The following IST1 variants were observed in gnomAD, a reference collection of about 807,000 sequenced individuals.
IST1 encodes the protein IST1 factor associated with ESCRT-III.
Under a neutral mutation model 37.0 loss-of-function variants are expected in IST1, and 23 were observed. The ratio of observed to expected loss-of-function variants is 0.62; its 90% CI spans 0.45 to 0.88. The LOEUF (loss-of-function observed/expected upper bound fraction) is 0.88. IST1 is among the 40% of genes least tolerant of loss of function. The pLI is 0.00. For missense variants in IST1, 488 were observed against 445.4 expected (o/e 1.10, Z -0.86); for synonymous variants, 180 against 161.7 (o/e 1.11, Z -0.86).
intron 4 of IST1, among the ~76,000 whole-genome samples, chr16:71,920,439 CTT>C (rs1312616758): frequency 2.6e-5 from 4 of 152,190 alleles, no homozygotes; most frequent in Non-Finnish European, 5.9e-5. Flanking sequence ...GAAGAGGAAA[CTT>C]TACTTTGTAC....
At chr16:71,926,830 A>G (rs912325970) in intron 9 of IST1, among the ~76,000 whole-genome samples, 7 of 152,168 alleles carry the variant, frequency 4.6e-5, no homozygotes, top group Admixed American at 1.3e-4. Context: ...AACATACAGT[A>G]GATGTGTGTG....
intron 9 of IST1, 113 bp downstream of exon 9, chr16:71,924,930 TGC>T: frequency 1.4e-6 from 1 of 716,556 alleles, no homozygotes; most frequent in East Asian, 2.6e-5. Context: ...TCTATCTGCA[TGC>T]CCTGTTCTCT....
At chr16:71,921,509 G>GA in intron 6 of IST1, 56 bp downstream of exon 6, 1 of 975,770 alleles carries the variant, frequency 1.0e-6, no homozygotes, top group South Asian at 1.4e-5. Context: ...ACCTTCTTTG[G>GA]AAAACAAAAA....
intron 1 of IST1, among the ~76,000 whole-genome samples, chr16:71,913,565 A>G (rs1472801462): frequency 6.6e-6 from 1 of 152,030 alleles, no homozygotes; most frequent in Non-Finnish European, 1.5e-5. Flanking sequence ...CTGTGGTGTG[A>G]TCTTGGCTCA....
intron 8 of IST1, chr16:71,924,118 T>G (rs1332012204): frequency 2.2e-6 from 1 of 456,062 alleles, no homozygotes; most frequent in Admixed American, 2.3e-5. Context: ...GGGCCTGAGT[T>G]TTTCTTATGC....
In IST1 at chr16:71,924,807, A is replaced by C; in HGVS notation, c.891A>C (p.Ala297=). Reference sequence around the variant, plus strand: ...ATGCTGATAAGAATATCTCTTCTGCACAGATTGTTGGTGAGTAGTATCAAT... The same window carrying C: ...ATGCTGATAAGAATATCTCTTCTGCCCAGATTGTTGGTGAGTAGTATCAAT... ...DINADKNISS[A]QIVGPGPKPE... Residue 297 remains alanine, a synonymous_variant, in exon 9 of 10, where the codon GCA becomes GCC. Transcript: ENST00000378799. The C allele has an allele frequency of 1.2e-6, 2 of 1,608,368 alleles. No individual in the cohort carries two copies. Among genetic ancestry groups the C allele is most frequent in the Non-Finnish European group, 1.7e-6 (2 of 1,174,730 alleles).
chr16:71,929,842 G>A lies in IST1; in HGVS notation c.*2029G>A, dbSNP rs888032457. ...GGAGTGTTTCCACTAATGGTTGCGA[G>A]CCAACTATTTATAGGACAATGGCTA... On this transcript the variant is annotated 3_prime_UTR_variant, in exon 10 of 10. Coordinates refer to ENST00000378799, the MANE Select transcript of IST1 (RefSeq NM_001270975.2). 8 of 950,562 alleles carry A rather than the reference G, an allele frequency of 8.4e-6. No individual in the cohort carries two copies. Among genetic ancestry groups the A allele is most frequent in the Non-Finnish European group, 1.1e-5 (7 of 654,514 alleles). The allele number at this position is 950,562 out of a possible 1,614,324, so 58.9% of individuals were successfully genotyped here.
chr16:71,927,898 G>T lies in IST1; in HGVS notation c.*85G>T, dbSNP rs1319165005. On this transcript the variant is annotated 3_prime_UTR_variant, in exon 10 of 10. Coordinates refer to ENST00000378799, the MANE Select transcript of IST1 (RefSeq NM_001270975.2). The stretch of plus-strand genomic sequence containing the variant: ...TAACAAAGAATCTCCATGAAATTCT[G>T]TTTCATCTGTTAACCGTCACTCAGC... 8 of 955,558 alleles carry T rather than the reference G, an allele frequency of 8.4e-6. No individual in the cohort carries two copies. The African/African-American group carries it at 9.6e-5, about 12-fold the overall frequency. The allele number at this position is 955,558 out of a possible 1,614,324, so 59.2% of individuals were successfully genotyped here.
At chr16:71,921,006 G>C in intron 5 of IST1, 184 bp downstream of exon 5, 2 of 642,656 alleles carry the variant, frequency 3.1e-6, no homozygotes, top group Non-Finnish European at 2.8e-6. Context: ...CAATTCCTCT[G>C]GTTACTGTCA....
At position 71,916,570 on chromosome 16, in the gene IST1, T is replaced by G. The variant is rs1387250392; in HGVS notation, c.197T>G (p.Val66Gly). 4 of 1,613,934 alleles carry G rather than the reference T, an allele frequency of 2.5e-6. No homozygotes were observed. In the Admixed American group the frequency reaches 6.7e-5, roughly 27 times the overall value. Residue 66 changes from valine (V) to glycine (G), a missense_variant, in exon 3 of 10, where the codon GTG becomes GGG. Physicochemically the swap from Val to Gly is moderately radical, Grantham distance 109. This residue lies in a region of IST1 where 455 missense variants were observed against 386.2 expected (regional missense o/e 1.18). Coordinates refer to ENST00000378799, the MANE Select transcript of IST1 (RefSeq NM_001270975.2). ...VEHIIREDYLVEAMEILELYC... is the reference protein window; with the variant it reads ...VEHIIREDYLGEAMEILELYC... ...CACATTATCCGGGAAGACTACCTCG[T>G]GGAGGCCATGGAGATCCTGGAGCTG... is the stretch of plus-strand genomic sequence containing the variant.
chr16:71,929,685 A>G lies in IST1; in HGVS notation c.*1872A>G. ...CTATTAGTGCAGCTTCTTTCTGAGT[A>G]TTGAAGACAAAAAGAGAAAAGTGAG... On this transcript the variant is annotated 3_prime_UTR_variant, in exon 10 of 10. Coordinates refer to ENST00000378799, the MANE Select transcript of IST1 (RefSeq NM_001270975.2). The G allele has an allele frequency of 6.5e-7, 1 of 1,528,516 alleles. No individual in the cohort carries two copies. Among genetic ancestry groups the G allele is most frequent in the Non-Finnish European group, 8.8e-7 (1 of 1,138,448 alleles). The allele number at this position is 1,528,516 out of a possible 1,614,324, so 94.7% of individuals were successfully genotyped here.
chr16:71,922,410 C>G lies in IST1; in HGVS notation c.553-64C>G, dbSNP rs575465775. 81 of 1,393,806 alleles carry G rather than the reference C, an allele frequency of 5.8e-5. No individual in the cohort carries two copies. In the South Asian group the frequency reaches 9.1e-4, roughly 16 times the overall value. The allele number at this position is 1,393,806 out of a possible 1,614,324, so 86.3% of individuals were successfully genotyped here. ...TTTATGCTAATCTCCATCTCAGACT[C>G]CGCTTTCTGGGGAACCTGGCCTTGG... is the stretch of plus-strand genomic sequence containing the variant. On this transcript the variant is annotated intron_variant, in intron 6 of 9. Transcript: ENST00000378799.
chr16:71,917,967 G>A (rs1414453290), intron 4 of IST1, among the ~76,000 whole-genome samples: 2 of 152,000 alleles, frequency 1.3e-5, no homozygotes, highest in African/African-American at 4.8e-5. Context: ...CTTGGCTGTC[G>A]GTTTACATTT....
Position 71,922,690 on chromosome 16 carries a change from T to TGTGG in IST1, c.759+10_759+11insGTGG, listed in dbSNP as rs3038732. The TGTGG allele has an allele frequency of 0.38, 551,903 of 1,434,746 alleles. 101,602 individuals are homozygous for TGTGG. Among genetic ancestry groups the TGTGG allele is most frequent in the East Asian group, 0.66 (27,417 of 41,390 alleles). The allele number at this position is 1,434,746 out of a possible 1,614,324, so 88.9% of individuals were successfully genotyped here. On this transcript the variant is annotated intron_variant, in intron 7 of 9. Coordinates refer to ENST00000378799, the MANE Select transcript of IST1 (RefSeq NM_001270975.2). ...ACTGCCAAAGGGACCAGTAAGTATA[T>TGTGG]ATAAGTGTGGATGTAAGCTTTAGAA...
chr16:71,928,004 T>C lies in IST1; in HGVS notation c.*191T>C, dbSNP rs987596797. On this transcript the variant is annotated 3_prime_UTR_variant, in exon 10 of 10. Transcript: ENST00000378799. ...TCTCTGTTGATCCTGAGACTAACAA[T>C]TGGAGACTGAGGCCAGAGCAACTGG... 15 of 564,370 alleles carry C rather than the reference T, an allele frequency of 2.7e-5. No individual in the cohort carries two copies. The East Asian group carries it at 4.0e-4, about 15-fold the overall frequency. The allele number at this position is 564,370 out of a possible 1,614,324, so 35.0% of individuals were successfully genotyped here.
chr16:71,921,385 G>GTCC lies in IST1; in HGVS notation c.485_486insCCT (p.Val162_Glu163insLeu), dbSNP rs777051917. 1 of 1,613,780 alleles carries GTCC rather than the reference G, an allele frequency of 6.2e-7. No homozygotes were observed. Among genetic ancestry groups the GTCC allele is most frequent in the South Asian group, 1.1e-5 (1 of 91,078 alleles). On this transcript the variant is annotated inframe_insertion, in exon 6 of 10. Coordinates refer to ENST00000378799, the MANE Select transcript of IST1 (RefSeq NM_001270975.2). ...TGTGGAAGCCCCACCCAAAATCCTG[G>GTCC]TGGAGAGATACCTGATTGAAATTGC...
intron 1 of IST1, among the ~76,000 whole-genome samples, chr16:71,911,710 ATTTTTTTTTTTT>A (rs550809762): frequency 5.5e-5 from 5 of 90,898 alleles, no homozygotes; most frequent in African/African-American, 1.7e-4. Flanking sequence ...TTAAACTTCG[ATTTTTTTTTTTT>A]TTTTTTTTTT....
At chr16:71,915,854 A>C in intron 2 of IST1, 126 bp downstream of exon 2, 1 of 598,962 alleles carries the variant, frequency 1.7e-6, no homozygotes, top group Non-Finnish European at 2.9e-6. Flanking sequence ...TTGTTGAGAC[A>C]GGGTCTCACT....
intron 1 of IST1, among the ~76,000 whole-genome samples, chr16:71,910,852 C>G (rs561380464): frequency 6.6e-6 from 1 of 152,230 alleles, no homozygotes; most frequent in South Asian, 2.1e-4. Flanking sequence ...TTCCCTTCAG[C>G]TCTACTTTCC....
Sources: allele counts gnomAD v4.1 joint callset (sites outside exome capture counted in the v4.1 genomes callset), GRCh38; gene constraint gnomAD v4.1.1; regional missense constraint gnomAD v4.1.1; transcripts MANE v1.5; gene names NCBI Gene and HGNC (gene_info 2026-07-23, HGNC 2026-07-21).